C3orf22: variants seen among roughly 807,000 people sequenced by gnomAD.
C3orf22 encodes the protein uncharacterized protein C3orf22.
C3orf22 carries 7 observed loss-of-function variants against 10.8 expected under a neutral mutation model. That is an observed-to-expected ratio of 0.65 (90% CI 0.37 to 1.22). The LOEUF is 1.22. Ranked by LOEUF, C3orf22 falls within the 50% of genes most tolerant of loss-of-function variation. The pLI is 0.02. For synonymous variants in C3orf22, 79 were observed against 78.9 expected (o/e 1.00, Z 0.00); for missense variants, 173 against 177.0 (o/e 0.98, Z 0.13).
intron 1 of C3orf22, among the ~76,000 whole-genome samples, chr3:126,555,743 C>T (rs1292243304): frequency 1.3e-5 from 2 of 152,144 alleles, no homozygotes; most frequent in Non-Finnish European, 2.9e-5. Context: ...ACTAGAGCCA[C>T]CCCCTGGCCT....
chr3:126,542,121 G>GC, intron 4 of C3orf22: 1 of 1,573,306 alleles, frequency 6.4e-7, no homozygotes, highest in East Asian at 2.4e-5. Flanking sequence ...AAGCTCGCGC[G>GC]CCCCTACAGC....
chr3:126,553,460 GCA>G, intron 1 of C3orf22, 30 bp from the exon 2 acceptor site: 1 of 1,304,096 alleles, frequency 7.7e-7, no homozygotes. Context: ...GTCAGAGGGG[GCA>G]GGGGTGGTGG....
intron 4 of C3orf22, among the ~76,000 whole-genome samples, chr3:126,534,521 T>C (rs1936723193): frequency 6.6e-6 from 1 of 150,876 alleles, no homozygotes; most frequent in Non-Finnish European, 1.5e-5. Context: ...ACAGCATCCC[T>C]GTCCTCAGCC....
At chr3:126,538,924 A>G (rs527420852) in intron 4 of C3orf22, among the ~76,000 whole-genome samples, 13 of 152,296 alleles carry the variant, frequency 8.5e-5, no homozygotes, top group African/African-American at 3.1e-4. Context: ...AAGGGTAGAC[A>G]CAGTGAAGAG....
chr3:126,540,147 GGC>G (rs1233282397), intron 4 of C3orf22, among the ~76,000 whole-genome samples: 1 of 151,966 alleles, frequency 6.6e-6, no homozygotes, highest in Non-Finnish European at 1.5e-5. Context: ...CTCCCAAGCA[GGC>G]CCTGGCTCTG....
At chr3:126,538,513 A>G (rs1873399) in intron 4 of C3orf22, among the ~76,000 whole-genome samples, 2 of 152,222 alleles carry the variant, frequency 1.3e-5, no homozygotes, top group Non-Finnish European at 2.9e-5. Flanking sequence ...AGCTGAAGAT[A>G]TGGCTCCCTG....
At chr3:126,541,827 A>T in intron 4 of C3orf22, 1 of 1,568,546 alleles carries the variant, frequency 6.4e-7, no homozygotes, top group Non-Finnish European at 8.6e-7. Context: ...CGCCTGCTAC[A>T]GCCGGAGGAC....
rs898484093 is a variant in C3orf22 at position 126,553,540 on chromosome 3, C to T, written c.-40-110G>A. The T allele has an allele frequency of 5.8e-6, 4 of 694,706 alleles. No individual in the cohort carries two copies. The Admixed American group carries it at 6.7e-5, about 12-fold the overall frequency. 43.0% of individuals were successfully genotyped at this position (694,706 alleles called of 1,614,324 possible). A position where few individuals can be genotyped will look rare whatever the true frequency, so the allele number is the denominator to read the frequency against. On this transcript the variant is annotated intron_variant, in intron 1 of 3. Coordinates refer to ENST00000318225, the MANE Select transcript of C3orf22 (RefSeq NM_152533.3). ...TGCCTGCGGGCCGCCAAATGACCTG[C>T]ATCACTGCCCTGTGCATGCACCGCT...
At chr3:126,551,222 A>G (rs1295111160) in intron 3 of C3orf22, among the ~76,000 whole-genome samples, 2 of 151,762 alleles carry the variant, frequency 1.3e-5, no homozygotes, top group Non-Finnish European at 1.5e-5. Context: ...ATATCAAACA[A>G]TGGGCATGGA....
intron 1 of C3orf22, among the ~76,000 whole-genome samples, chr3:126,556,686 ACTC>A (rs1937340397): frequency 6.7e-6 from 1 of 150,232 alleles, no homozygotes; most frequent in Non-Finnish European, 1.5e-5. Flanking sequence ...AGACACACAC[ACTC>A]ATTCTCACAC....
At chr3:126,551,750 C>T (rs879808981) in intron 3 of C3orf22, among the ~76,000 whole-genome samples, 5 of 152,262 alleles carry the variant, frequency 3.3e-5, no homozygotes, top group Non-Finnish European at 2.9e-5. Context: ...ACTCCTCCAA[C>T]TAGGCCTAAC....
chr3:126,534,680 G>A (rs1335203039), intron 4 of C3orf22, among the ~76,000 whole-genome samples: 1 of 138,700 alleles, frequency 7.2e-6, no homozygotes, highest in Non-Finnish European at 1.5e-5. Flanking sequence ...CCTCAGCCGG[G>A]AGACAGATAG....
downstream of C3orf22, among the ~76,000 whole-genome samples, chr3:126,546,573 C>A (rs111805731): frequency 6.6e-6 from 1 of 152,182 alleles, no homozygotes; most frequent in South Asian, 2.1e-4. Context: ...CCCCGCCTCT[C>A]CCTCTCACAC....
In C3orf22 at chr3:126,553,212, G is replaced by A; in HGVS notation, c.89+90C>T. On this transcript the variant is annotated intron_variant, in intron 2 of 3. Coordinates refer to ENST00000318225, the MANE Select transcript of C3orf22 (RefSeq NM_152533.3). ...CTGTGGACAAAACCCCCTCCCAGCT[G>A]CAGCCCCACAGAATGCATTTGAGTT... is the stretch of plus-strand genomic sequence containing the variant. The A allele has an allele frequency of 4.3e-6, 4 of 934,734 alleles. No individual in the cohort carries two copies. In the South Asian group the frequency reaches 5.3e-5, roughly 12 times the overall value. The allele number at this position is 934,734 out of a possible 1,614,324, so 57.9% of individuals were successfully genotyped here.
intron 4 of C3orf22, among the ~76,000 whole-genome samples, chr3:126,538,839 C>T (rs1391179602): frequency 6.6e-6 from 1 of 152,132 alleles, no homozygotes. Context: ...AGCATGATGT[C>T]CTCAGGGTTC....
chr3:126,541,738 G>A (rs573241475), intron 4 of C3orf22: 4 of 1,476,744 alleles, frequency 2.7e-6, no homozygotes, highest in Non-Finnish European at 2.7e-6. Flanking sequence ...CACAGGACCC[G>A]CGCTCGACCC....
chr3:126,543,869 C>T (rs1277520769), intron 4 of C3orf22, among the ~76,000 whole-genome samples: 1 of 152,150 alleles, frequency 6.6e-6, no homozygotes, highest in East Asian at 1.9e-4. Context: ...TCCAGTGGAC[C>T]TGGGAAGGGG....
chr3:126,532,095 G>T (rs1936672258), intron 4 of C3orf22, among the ~76,000 whole-genome samples: 1 of 152,070 alleles, frequency 6.6e-6, no homozygotes, highest in Admixed American at 6.5e-5. Flanking sequence ...CAGATTCTTT[G>T]CCCATTTAAA....
chr3:126,532,558 C>T (rs1936680660), intron 4 of C3orf22, among the ~76,000 whole-genome samples: 1 of 152,212 alleles, frequency 6.6e-6, no homozygotes, highest in Non-Finnish European at 1.5e-5. Flanking sequence ...TTGGCTCCCT[C>T]ATCAATAATC....
Sources: allele counts gnomAD v4.1 joint callset (sites outside exome capture counted in the v4.1 genomes callset), GRCh38; gene constraint gnomAD v4.1.1; transcripts MANE v1.5; gene names NCBI Gene and HGNC (gene_info 2026-07-23, HGNC 2026-07-21).